Variants in PHLDB2 observed in about 807,000 individuals in gnomAD.
PHLDB2 encodes pleckstrin homology-like domain family B member 2.
In PHLDB2, 71 loss-of-function variants were observed where a neutral mutation model predicts 123.6. That is an observed-to-expected ratio of 0.57 (90% CI 0.47 to 0.70). PHLDB2 has a LOEUF of 0.70. Among genes scored for constraint, PHLDB2 ranks in the 30% least tolerant of loss-of-function variants. PHLDB2 has a pLI of 0.00. For missense variants in PHLDB2, 1,446 were observed against 1,519.5 expected (o/e 0.95, Z 0.80); for synonymous variants, 547 against 541.6 (o/e 1.01, Z -0.14).
At chr3:111,959,550 A>G (rs2071265438) in intron 12 of PHLDB2, among the ~76,000 whole-genome samples, 2 of 152,236 alleles carry the variant, frequency 1.3e-5, no homozygotes, top group Admixed American at 6.5e-5. Flanking sequence ...TCGTAGAGTC[A>G]AACCTCAACA....
intron 1 of PHLDB2, among the ~76,000 whole-genome samples, chr3:111,749,410 T>C (rs192189081): frequency 6.6e-6 from 1 of 152,356 alleles, no homozygotes; most frequent in Admixed American, 6.5e-5. Context: ...CAACCGTTGG[T>C]TGATACTCTT....
rs34178824 is a variant in PHLDB2, at chr3:111,780,271, A to AGAAAGAAGAAGAAGAAGAAGAAGAAG, written c.-49+47568_-49+47569insGAAAGAAGAAGAAGAAGAAGAAGAAG. Among the ~76,000 whole-genome samples, 15 of 7,790 alleles carry AGAAAGAAGAAGAAGAAGAAGAAGAAG rather than the reference A, an allele frequency of 1.9e-3. 3 individuals are homozygous for AGAAAGAAGAAGAAGAAGAAGAAGAAG. Among genetic ancestry groups the AGAAAGAAGAAGAAGAAGAAGAAGAAG allele is most frequent in the African/African-American group, 6.1e-3 (15 of 2,448 alleles). The allele number at this position is 7,790 out of a possible 152,430, so 5.1% of individuals were successfully genotyped here. A position where few individuals can be genotyped will look rare whatever the true frequency, so the allele number is the denominator to read the frequency against. On this transcript the variant is annotated intron_variant, in intron 1 of 17. Transcript: ENST00000393923. ...CTCCTGATTTAAAAGAAGAAGAAGA[A>AGAAAGAAGAAGAAGAAGAAGAAGAAG]AAGAAGAAGAAGAAGAAGAAGAAGA...
intron 1 of PHLDB2, among the ~76,000 whole-genome samples, chr3:111,840,105 A>C (rs2063614104): frequency 6.6e-6 from 1 of 151,828 alleles, no homozygotes; most frequent in Non-Finnish European, 1.5e-5. Flanking sequence ...TAAAAATATT[A>C]GCCAGGTAGA....
intron 1 of PHLDB2, among the ~76,000 whole-genome samples, chr3:111,824,802 G>A (rs889245243): frequency 6.6e-6 from 1 of 152,194 alleles, no homozygotes; most frequent in Non-Finnish European, 1.5e-5. Context: ...TATTCTAACA[G>A]ACGCAAACTT....
At chr3:111,863,109 A>G (rs1010864018) in intron 1 of PHLDB2, among the ~76,000 whole-genome samples, 6 of 152,236 alleles carry the variant, frequency 3.9e-5, no homozygotes, top group Non-Finnish European at 7.3e-5. Context: ...GGCATTAGCC[A>G]TAGAGACTGT....
In PHLDB2 at chr3:111,871,009, A is replaced by AT. The variant is rs566122968; in HGVS notation, c.-15+11443dup. On this transcript the variant is annotated intron_variant, in intron 1 of 17. Coordinates refer to ENST00000431670, the MANE Select transcript of PHLDB2 (RefSeq NM_001134438.2). ...AGTGGAAATTTTGACCCAAACCCTAATTTTTTTTTTGAAATGAATTTTCCT... is the reference window on the plus strand; with the variant it reads ...AGTGGAAATTTTGACCCAAACCCTAATTTTTTTTTTTGAAATGAATTTTCCT... Among the ~76,000 whole-genome samples, 21 of 150,258 alleles carry AT rather than the reference A, an allele frequency of 1.4e-4. No individual in the cohort carries two copies. The East Asian group carries it at 1.9e-3, about 14-fold the overall frequency.
At chr3:111,778,555 G>A (rs1011092164) in intron 1 of PHLDB2, 3 of 139,832 alleles carry the variant, frequency 2.1e-5, no homozygotes, top group Admixed American at 6.9e-5. Context: ...GCAAAAATAT[G>A]TAAAATGTTC....
intron 3 of PHLDB2, chr3:111,916,018 G>GT (rs1359271670): frequency 6.6e-6 from 1 of 152,180 alleles, no homozygotes; most frequent in Non-Finnish European, 1.5e-5. Flanking sequence ...AGATCTGCCA[G>GT]TTTTTTGTTA....
At chr3:111,743,135 GA>G (rs895263568) in intron 1 of PHLDB2, among the ~76,000 whole-genome samples, 1 of 152,166 alleles carries the variant, frequency 6.6e-6, no homozygotes, top group Non-Finnish European at 1.5e-5. Context: ...AGGCTATGAA[GA>G]AAAAGCTACT....
chr3:111,782,369 T>C (rs2060513408), intron 1 of PHLDB2, among the ~76,000 whole-genome samples: 1 of 151,978 alleles, frequency 6.6e-6, no homozygotes, highest in Non-Finnish European at 1.5e-5. Context: ...AGTTCCAAAA[T>C]ATAAAGCGAG....
chr3:111,826,002 T>C (rs774812728), intron 1 of PHLDB2, among the ~76,000 whole-genome samples: 8 of 152,082 alleles, frequency 5.3e-5, no homozygotes, highest in Non-Finnish European at 8.8e-5. Context: ...ACATTTATTA[T>C]TATTAATATT....
chr3:111,826,097 T>A (rs2062640422), intron 1 of PHLDB2, among the ~76,000 whole-genome samples: 1 of 151,816 alleles, frequency 6.6e-6, no homozygotes, highest in Non-Finnish European at 1.5e-5. Context: ...AGGTCAGGAG[T>A]TCGAGACCCA....
At chr3:111,801,251 G>T (rs569399570) in intron 1 of PHLDB2, among the ~76,000 whole-genome samples, 1 of 152,222 alleles carries the variant, frequency 6.6e-6, no homozygotes, top group East Asian at 1.9e-4. Flanking sequence ...ACAAGCATAG[G>T]CCCCTCTGAG....
intron 1 of PHLDB2, among the ~76,000 whole-genome samples, chr3:111,780,569 A>G (rs1243433971): frequency 1.3e-5 from 2 of 151,798 alleles, no homozygotes; most frequent in East Asian, 3.9e-4. Flanking sequence ...TTCTTTATAA[A>G]TGTTGGAGCC....
chr3:111,946,792 A>G (rs920511350), intron 9 of PHLDB2, among the ~76,000 whole-genome samples: 2 of 152,154 alleles, frequency 1.3e-5, no homozygotes, highest in Non-Finnish European at 2.9e-5. Flanking sequence ...GTTAAAGATC[A>G]CTCTGGGCTG....
chr3:111,909,285 T>C (rs990596117), intron 2 of PHLDB2, among the ~76,000 whole-genome samples: 7 of 152,166 alleles, frequency 4.6e-5, no homozygotes, highest in African/African-American at 1.7e-4. Flanking sequence ...TGATCACCTA[T>C]TTGTGCCTCC....
chr3:111,798,682 A>AAAAAAAT (rs1553729565), intron 1 of PHLDB2, among the ~76,000 whole-genome samples: 4 of 144,538 alleles, frequency 2.8e-5, no homozygotes, highest in African/African-American at 1.0e-4. Flanking sequence ...TGTCTCTAAT[A>AAAAAAAT]AAAATAAAAT....
chr3:111,807,642 CT>C (rs1404217195), intron 1 of PHLDB2, among the ~76,000 whole-genome samples: 2 of 152,106 alleles, frequency 1.3e-5, no homozygotes, highest in Admixed American at 1.3e-4. Flanking sequence ...ACTTGTAGTC[CT>C]GACTACTCAG....
intron 1 of PHLDB2, among the ~76,000 whole-genome samples, chr3:111,810,229 T>C (rs867764322): frequency 1.4e-4 from 21 of 152,108 alleles, no homozygotes; most frequent in African/African-American, 5.1e-4. Flanking sequence ...ATAGGAAATA[T>C]GTGTTCCAGG....
Sources: allele counts gnomAD v4.1 joint callset (sites outside exome capture counted in the v4.1 genomes callset), GRCh38; gene constraint gnomAD v4.1.1; transcripts MANE v1.5; gene names NCBI Gene and HGNC (gene_info 2026-07-23, HGNC 2026-07-21).